RNF216: variants seen among roughly 807,000 people sequenced by gnomAD.
RNF216 encodes ring finger protein 216.
In RNF216, 72 loss-of-function variants were observed where a neutral mutation model predicts 110.8. The ratio of observed to expected loss-of-function variants is 0.65; its 90% CI spans 0.54 to 0.79. The LOEUF (loss-of-function observed/expected upper bound fraction) is 0.79, where lower values mean the gene tolerates loss of function less well. Ranked by LOEUF, RNF216 falls within the 30% of genes least tolerant of loss-of-function variation. RNF216 has a pLI of 0.00. For missense variants in RNF216, 1,342 were observed against 1,141.2 expected, an observed-to-expected ratio of 1.18 and a Z score of -2.54; for synonymous variants, 495 against 407.5, an observed-to-expected ratio of 1.21 and a Z score of -2.59.
At chr7:5,663,014 A>C (rs183182086) in intron 13 of RNF216, among the ~76,000 whole-genome samples, 5 of 152,248 alleles carry the variant, frequency 3.3e-5, no homozygotes, top group Admixed American at 6.5e-5. Context: ...GCCTAAGAAT[A>C]TCTCTTCTCC....
intron 3 of RNF216, among the ~76,000 whole-genome samples, chr7:5,752,075 C>T (rs1484125234): frequency 6.6e-6 from 1 of 151,980 alleles, no homozygotes; most frequent in East Asian, 1.9e-4. Flanking sequence ...ATCCCAGCTA[C>T]TCAGGAGGCT....
chr7:5,648,234 G>A (rs1788167824), intron 14 of RNF216, among the ~76,000 whole-genome samples: 1 of 151,694 alleles, frequency 6.6e-6, no homozygotes, highest in African/African-American at 2.4e-5. Flanking sequence ...AGCCTCCTGA[G>A]TAGCTGGCAT....
chr7:5,758,732 C>T (rs1042949555), intron 2 of RNF216, among the ~76,000 whole-genome samples: 1 of 152,144 alleles, frequency 6.6e-6, no homozygotes, highest in Non-Finnish European at 1.5e-5. Context: ...GCATGTACCC[C>T]CATAGTATCT....
chr7:5,622,669 C>A lies in RNF216; in HGVS notation c.*191G>T, dbSNP rs763271758. On this transcript the variant is annotated 3_prime_UTR_variant, in exon 17 of 17. Coordinates refer to ENST00000389902, the MANE Select transcript of RNF216 (RefSeq NM_207111.4). ...TCTCTCCGAACTCCACCATTTGGGA[C>A]GTCTTTATTATGGATCCGTCCACTC... is the stretch of plus-strand genomic sequence containing the variant. The A allele has an allele frequency of 6.7e-6, 4 of 598,080 alleles. No individual in the cohort carries two copies. Among genetic ancestry groups the A allele is most frequent in the Non-Finnish European group, 1.2e-5 (4 of 343,416 alleles). The allele number at this position is 598,080 out of a possible 1,614,324, so 37.0% of individuals were successfully genotyped here. A position where few individuals can be genotyped will look rare whatever the true frequency, so the allele number is the denominator to read the frequency against.
rs1458739959 is a variant in RNF216 at position 5,730,836 on chromosome 7, T to G, written c.1122-19A>C. On this transcript the variant is annotated intron_variant, in intron 5 of 16. Coordinates refer to ENST00000389902, the MANE Select transcript of RNF216 (RefSeq NM_207111.4). ...ACAAAGTCTGCAGAAACAAATGATG[T>G]TACTTTCATACTGCTTCCAAATCCC... is the stretch of plus-strand genomic sequence containing the variant. 6.4e-7 allele frequency: 1 copy of G among 1,574,594 alleles called. No homozygotes were observed. The highest frequency in any genetic ancestry group is 8.6e-7 in the Non-Finnish European group (1 of 1,157,124).
At chr7:5,717,687 A>C (rs1354531306) in intron 9 of RNF216, among the ~76,000 whole-genome samples, 1 of 152,254 alleles carries the variant, frequency 6.6e-6, no homozygotes. Flanking sequence ...TTCAAAAAGG[A>C]AAGAGAAAAA....
intron 5 of RNF216, among the ~76,000 whole-genome samples, chr7:5,735,818 G>T (rs1337954799): frequency 1.3e-5 from 2 of 152,190 alleles, no homozygotes; most frequent in Non-Finnish European, 2.9e-5. Flanking sequence ...GGGAAGGCCA[G>T]GTGCAGTGGG....
chr7:5,745,503 A>C (rs1210675945), intron 3 of RNF216, among the ~76,000 whole-genome samples: 6 of 152,206 alleles, frequency 3.9e-5, no homozygotes, highest in South Asian at 2.1e-4. Flanking sequence ...GAAGCATAAA[A>C]ATTGGAAAGA....
intron 13 of RNF216, among the ~76,000 whole-genome samples, chr7:5,660,660 C>T (rs1270158813): frequency 2.6e-5 from 4 of 151,906 alleles, no homozygotes; most frequent in Non-Finnish European, 5.9e-5. Context: ...TCACTGCAGT[C>T]GCGACCTCCC....
At position 5,674,928 on chromosome 7, in the gene RNF216, T is replaced by C. The variant is rs540990723; in HGVS notation, c.2062-22418A>G. On this transcript the variant is annotated intron_variant, in intron 13 of 16. Coordinates refer to ENST00000389902, the MANE Select transcript of RNF216 (RefSeq NM_207111.4). ...AAGAGAATTGCTTGAACCAGGGAGGTGGAGGTTGCAGTGAGCTGAGATCGC... is the reference window on the plus strand; with the variant it reads ...AAGAGAATTGCTTGAACCAGGGAGGCGGAGGTTGCAGTGAGCTGAGATCGC... 1.7e-4 allele frequency among the ~76,000 whole-genome samples: 25 copies of C among 150,930 alleles called. 1 individual carries two copies. Among genetic ancestry groups the C allele is most frequent in the Admixed American group, 1.6e-3 (25 of 15,152 alleles).
At chr7:5,682,119 CG>C (rs1297177294) in intron 13 of RNF216, among the ~76,000 whole-genome samples, 2 of 152,220 alleles carry the variant, frequency 1.3e-5, no homozygotes, top group Non-Finnish European at 2.9e-5. Context: ...TGAGGCCATG[CG>C]GGCCCACGCT....
At chr7:5,657,399 C>T (rs974926364) in intron 13 of RNF216, among the ~76,000 whole-genome samples, 1 of 152,124 alleles carries the variant, frequency 6.6e-6, no homozygotes, top group Non-Finnish European at 1.5e-5. Context: ...GAAACCCCAT[C>T]TCTACTAAAA....
At chr7:5,723,167 A>T (rs533213866) in intron 8 of RNF216, among the ~76,000 whole-genome samples, 2 of 152,282 alleles carry the variant, frequency 1.3e-5, no homozygotes, top group African/African-American at 2.4e-5. Flanking sequence ...AACATAAATG[A>T]ATTAATCCAT....
At chr7:5,754,567 A>G (rs1001856468) in intron 2 of RNF216, among the ~76,000 whole-genome samples, 4 of 152,152 alleles carry the variant, frequency 2.6e-5, no homozygotes, top group African/African-American at 9.7e-5. Flanking sequence ...CTGAGCAAAG[A>G]AAAGCTCTAG....
intron 3 of RNF216, among the ~76,000 whole-genome samples, chr7:5,746,593 G>A (rs377548684): frequency 6.6e-6 from 1 of 152,160 alleles, no homozygotes; most frequent in Non-Finnish European, 1.5e-5. Context: ...GATGGAAACT[G>A]CAAAGTGATT....
At chr7:5,731,187 A>G (rs977960674) in intron 5 of RNF216, among the ~76,000 whole-genome samples, 1 of 152,268 alleles carries the variant, frequency 6.6e-6, no homozygotes. Context: ...TGAACAAGTA[A>G]GAAGTGGAAA....
At chr7:5,648,292 G>A (rs1437426938) in intron 14 of RNF216, among the ~76,000 whole-genome samples, 1 of 151,804 alleles carries the variant, frequency 6.6e-6, no homozygotes, top group African/African-American at 2.4e-5. Context: ...TTTTAGTAGA[G>A]ACAGAGGTTT....
At chr7:5,698,384 T>TACACAC (rs376096873) in intron 13 of RNF216, among the ~76,000 whole-genome samples, 9,779 of 145,064 alleles carry the variant, frequency 0.067, 407 homozygotes, top group African/African-American at 0.1. Flanking sequence ...GATTCTTTTA[T>TACACAC]ACACACACAC....
At chr7:5,678,854 GCA>G (rs1236097149) in intron 13 of RNF216, among the ~76,000 whole-genome samples, 1 of 152,192 alleles carries the variant, frequency 6.6e-6, no homozygotes, top group African/African-American at 2.4e-5. Flanking sequence ...AAATTAAGAG[GCA>G]AAGGTCTGCA....
Sources: allele counts gnomAD v4.1 joint callset (sites outside exome capture counted in the v4.1 genomes callset), GRCh38; gene constraint gnomAD v4.1.1; transcripts MANE v1.5; gene names NCBI Gene and HGNC (gene_info 2026-07-23, HGNC 2026-07-21).